Variants in BAZ2B observed in about 807,000 individuals in gnomAD.
BAZ2B encodes the protein bromodomain adjacent to zinc finger domain protein 2B.
BAZ2B carries 91 observed loss-of-function variants against 246.0 expected under a neutral mutation model. The ratio of observed to expected loss-of-function variants is 0.37; its 90% CI spans 0.31 to 0.44. BAZ2B has a LOEUF of 0.44. Ranked by LOEUF, BAZ2B falls within the 20% of genes least tolerant of loss-of-function variation. The pLI is 1.00. For synonymous variants in BAZ2B, 855 were observed against 860.0 expected (o/e 0.99, Z 0.10); for missense variants, 2,332 against 2,533.7 (o/e 0.92, Z 1.71).
chr2:159,679,271 C>CAAAA, the BAZ2B span, among the ~76,000 whole-genome samples: 39 of 64,374 alleles, frequency 6.1e-4, no homozygotes, highest in African/African-American at 1.5e-3. Context: ...GACTTCATCT[C>CAAAA]AAAAAAAAAA....
the BAZ2B span, among the ~76,000 whole-genome samples, chr2:159,671,607 G>C: frequency 6.6e-6 from 1 of 152,112 alleles, no homozygotes; most frequent in South Asian, 2.1e-4. Context: ...CTTTTCAGAG[G>C]CCTGGTCAGT....
chr2:159,608,389 G>C (rs1250825392), intron 1 of BAZ2B, among the ~76,000 whole-genome samples: 1 of 152,040 alleles, frequency 6.6e-6, no homozygotes, highest in Admixed American at 6.6e-5. Context: ...AAAATAAAAA[G>C]TAAAAATAAA....
intron 27 of BAZ2B, among the ~76,000 whole-genome samples, chr2:159,368,858 TAAAAAAAAAAAAAAAAA>T (rs58161936): frequency 8.1e-6 from 1 of 123,870 alleles, no homozygotes; most frequent in Non-Finnish European, 1.6e-5. Flanking sequence ...CTGAAAGGCC[TAAAAAAAAAAAAAAAAA>T]AAAAAAAACT....
chr2:159,591,448 G>A (rs529572521), intron 1 of BAZ2B, among the ~76,000 whole-genome samples: 1 of 152,246 alleles, frequency 6.6e-6, no homozygotes, highest in South Asian at 2.1e-4. Flanking sequence ...ACAAAGGTAG[G>A]ATAAGGAAAA....
chr2:159,676,552 T>G, the BAZ2B span, among the ~76,000 whole-genome samples: 1 of 151,728 alleles, frequency 6.6e-6, no homozygotes, highest in Admixed American at 6.6e-5. Context: ...ACGTGATGGG[T>G]GCCTGTAGTC....
intron 2 of BAZ2B, among the ~76,000 whole-genome samples, chr2:159,531,060 C>A (rs1204100139): frequency 6.6e-6 from 1 of 152,088 alleles, no homozygotes; most frequent in Non-Finnish European, 1.5e-5. Flanking sequence ...AAATAAAAGT[C>A]TCTGAAATTA....
chr2:159,598,989 T>C (rs181338275), intron 1 of BAZ2B, among the ~76,000 whole-genome samples: 1 of 152,032 alleles, frequency 6.6e-6, no homozygotes, highest in East Asian at 1.9e-4. Context: ...ATGCCTGTAA[T>C]TCTAGCACTT....
Position 159,324,849 on chromosome 2 carries a change from C to A in BAZ2B, c.6315G>T (p.Met2105Ile). 6.5e-7 allele frequency: 1 copy of A among 1,545,460 alleles called. No homozygotes were observed. ...PGYKKVIKKP[M>I]DFSTIREKLS... ...GTTTCTCTCTAATTGTGGAAAAATC[C>A]ATAGGCTTCTTAATAACTTTCTTAT... Residue 2105 changes from methionine (M) to isoleucine (I), a missense_variant, in exon 36 of 37, where the codon ATG becomes ATT. By Grantham distance (10) the Met-to-Ile change is conservative. This residue lies in a region of BAZ2B where 210 missense variants were observed against 232.5 expected (regional missense o/e 0.90). Coordinates refer to ENST00000392783, the MANE Select transcript of BAZ2B (RefSeq NM_013450.4).
the BAZ2B span, among the ~76,000 whole-genome samples, chr2:159,658,566 G>A: frequency 6.6e-6 from 1 of 152,048 alleles, no homozygotes; most frequent in Admixed American, 6.6e-5. Context: ...TGCCCAGGAT[G>A]GAGTGCAGTG....
intron 2 of BAZ2B, among the ~76,000 whole-genome samples, chr2:159,523,886 A>AT (rs2084425866): frequency 6.6e-6 from 1 of 152,180 alleles, no homozygotes; most frequent in Non-Finnish European, 1.5e-5. Context: ...TACTCAGGGA[A>AT]TAATTTATTT....
At chr2:159,449,614 T>C (rs924562974) in intron 4 of BAZ2B, among the ~76,000 whole-genome samples, 2 of 152,184 alleles carry the variant, frequency 1.3e-5, no homozygotes, top group Non-Finnish European at 2.9e-5. Context: ...ACAGTATAAG[T>C]AGAAAACTGC....
At position 159,481,070 on chromosome 2, in the gene BAZ2B, T is replaced by TG. The variant is rs397750089; in HGVS notation, c.-2-2350dup. On this transcript the variant is annotated intron_variant, in intron 2 of 36. Coordinates refer to ENST00000392783, the MANE Select transcript of BAZ2B (RefSeq NM_013450.4). The stretch of plus-strand genomic sequence containing the variant: ...GTTCATCTTACACATACCCTTTTTT[T>TG]GTCATTTTATAGAAATTTAACAAAT... 1.4e-4 allele frequency among the ~76,000 whole-genome samples: 21 copies of TG among 151,966 alleles called. 1 individual carries two copies. The South Asian group carries it at 4.4e-3, about 32-fold the overall frequency.
intron 24 of BAZ2B, 69 bp downstream of exon 24, chr2:159,383,537 T>C: frequency 7.7e-7 from 1 of 1,301,890 alleles, no homozygotes; most frequent in Non-Finnish European, 1.1e-6. Context: ...ATCTTTGCAA[T>C]TCATATGCTT....
chr2:159,438,115 A>G, intron 8 of BAZ2B, 188 bp downstream of exon 8: 1 of 582,766 alleles, frequency 1.7e-6, no homozygotes, highest in Non-Finnish European at 2.9e-6. Flanking sequence ...AAAATACATT[A>G]AACAGATACA....
intron 2 of BAZ2B, among the ~76,000 whole-genome samples, chr2:159,546,596 T>C (rs2087390236): frequency 6.6e-6 from 1 of 151,190 alleles, no homozygotes; most frequent in Non-Finnish European, 1.5e-5. Flanking sequence ...GTGAACCATT[T>C]ACAATATTAA....
rs1481779072 is a variant in BAZ2B at position 159,449,311 on chromosome 2, A to G, written c.335-902T>C. Reference sequence around the variant, plus strand: ...CTTCTCCAACTGGCTAGTCTGCTAGATTACCAAATCAGTTATTATCTTTCA... The same window carrying G: ...CTTCTCCAACTGGCTAGTCTGCTAGGTTACCAAATCAGTTATTATCTTTCA... On this transcript the variant is annotated intron_variant, in intron 4 of 36. Coordinates refer to ENST00000392783, the MANE Select transcript of BAZ2B (RefSeq NM_013450.4). Among the ~76,000 whole-genome samples the G allele has an allele frequency of 3.9e-5, 6 of 152,180 alleles. No homozygotes were observed. The East Asian group carries it at 7.7e-4, about 20-fold the overall frequency.
chr2:159,397,229 A>G (rs1393360160), intron 19 of BAZ2B, 116 bp downstream of exon 19: 1 of 1,238,804 alleles, frequency 8.1e-7, no homozygotes. Context: ...GAAAAACTTA[A>G]GCAGAAATTA....
chr2:159,447,041 A>T, intron 5 of BAZ2B, 66 bp from the exon 6 acceptor site: 1 of 1,188,478 alleles, frequency 8.4e-7, no homozygotes, highest in Non-Finnish European at 1.2e-6. Flanking sequence ...AATGAAGTAC[A>T]GATATATGTA....
At chr2:159,575,158 T>C (rs920323219) in intron 1 of BAZ2B, among the ~76,000 whole-genome samples, 1 of 151,912 alleles carries the variant, frequency 6.6e-6, no homozygotes, top group Non-Finnish European at 1.5e-5. Flanking sequence ...GAAAGTAGGA[T>C]AGTGGGTAAT....
Sources: allele counts gnomAD v4.1 joint callset (sites outside exome capture counted in the v4.1 genomes callset), GRCh38; gene constraint gnomAD v4.1.1; regional missense constraint gnomAD v4.1.1; transcripts MANE v1.5; gene names NCBI Gene and HGNC (gene_info 2026-07-23, HGNC 2026-07-21).